The following PLXNA4 variants were observed in gnomAD, a reference collection of about 807,000 sequenced individuals.
PLXNA4 encodes the protein plexin A4, also known as plexin-A4.
PLXNA4 carries 44 observed loss-of-function variants against 191.8 expected under a neutral mutation model. The ratio of observed to expected loss-of-function variants is 0.23; its 90% CI spans 0.18 to 0.29. The LOEUF (loss-of-function observed/expected upper bound fraction) is 0.29, where lower values mean the gene tolerates loss of function less well. Among genes scored for constraint, PLXNA4 ranks in the 10% least tolerant of loss-of-function variants. The pLI, the probability that PLXNA4 is intolerant of heterozygous loss-of-function variation, is 1.00. For missense variants in PLXNA4, 1,800 were observed against 2,488.8 expected (o/e 0.72, Z 5.89); for synonymous variants, 1,082 against 1,009.5 (o/e 1.07, Z -1.36).
intron 4 of PLXNA4, among the ~76,000 whole-genome samples, chr7:132,252,312 T>G (rs1443249679): frequency 1.7e-5 from 2 of 118,768 alleles, no homozygotes; most frequent in African/African-American, 7.2e-5. Flanking sequence ...TTTTTTTTTT[T>G]TTTTTTTTTT....
intron 10 of PLXNA4, among the ~76,000 whole-genome samples, chr7:132,204,605 A>G (rs1797551449): frequency 1.3e-5 from 2 of 152,006 alleles, no homozygotes; most frequent in African/African-American, 4.8e-5. Context: ...GGCTAGGGGG[A>G]TGTTGATGGA....
chr7:132,404,430 C>A (rs1397134637), intron 3 of PLXNA4, among the ~76,000 whole-genome samples: 1 of 152,228 alleles, frequency 6.6e-6, no homozygotes, highest in Non-Finnish European at 1.5e-5. Flanking sequence ...CCACTGTCAC[C>A]AACCAGCCCT....
At chr7:132,452,902 C>T (rs1796174858) in intron 3 of PLXNA4, among the ~76,000 whole-genome samples, 1 of 152,126 alleles carries the variant, frequency 6.6e-6, no homozygotes, top group Admixed American at 6.5e-5. Context: ...GGAATTGGAA[C>T]CAGGGAATGG....
chr7:132,249,173 T>C (rs892728323), intron 4 of PLXNA4, among the ~76,000 whole-genome samples: 1 of 152,222 alleles, frequency 6.6e-6, no homozygotes, highest in Non-Finnish European at 1.5e-5. Context: ...AACAAAATAT[T>C]CCCATTTTTC....
chr7:132,170,039 T>G (rs1796238473), intron 21 of PLXNA4, among the ~76,000 whole-genome samples: 1 of 151,860 alleles, frequency 6.6e-6, no homozygotes, highest in Non-Finnish European at 1.5e-5. Context: ...GATACCACAG[T>G]TCTTTGAGAA....
At position 132,313,867 on chromosome 7, in the gene PLXNA4, T is replaced by C. The variant is rs78111081; in HGVS notation, c.1372-15645A>G. Among the ~76,000 whole-genome samples, 1,264 of 152,146 alleles carry C rather than the reference T, an allele frequency of 8.3e-3. 19 individuals are homozygous for C. The highest frequency in any genetic ancestry group is 0.028 in the African/African-American group (1,157 of 41,498). On this transcript the variant is annotated intron_variant, in intron 3 of 31. Coordinates refer to ENST00000321063, the MANE Select transcript of PLXNA4 (RefSeq NM_020911.2). Reference sequence around the variant, plus strand: ...TCCTACCCTGTCTCTAAGGGTCACATCAGACACATTCCATAGATTACAGAA... The same window carrying C: ...TCCTACCCTGTCTCTAAGGGTCACACCAGACACATTCCATAGATTACAGAA...
chr7:132,203,404 T>C lies in PLXNA4; in HGVS notation c.2314A>G (p.Met772Val). The C allele has an allele frequency of 1.2e-6, 2 of 1,614,032 alleles. No individual in the cohort carries two copies. The highest frequency in any genetic ancestry group is 1.6e-4 in the Middle Eastern group (1 of 6,062). ...CQNTSYSYEGMEINNLPVELT... is the reference protein window; with the variant it reads ...CQNTSYSYEGVEINNLPVELT... Reference sequence around the variant, plus strand: ...TCCACGGGCAGGTTGTTGATCTCCATCCCTTCATAGGAATACTGCAGCCAG... The same window carrying C: ...TCCACGGGCAGGTTGTTGATCTCCACCCCTTCATAGGAATACTGCAGCCAG... Residue 772 changes from methionine to valine, a missense_variant, in exon 11 of 32, where the codon ATG becomes GTG. Physicochemically the swap from Met to Val is conservative, Grantham distance 21. Transcript: ENST00000321063.
At chr7:132,555,616 A>C (rs1470737596) in intron 1 of PLXNA4, among the ~76,000 whole-genome samples, 1 of 152,132 alleles carries the variant, frequency 6.6e-6, no homozygotes, top group African/African-American at 2.4e-5. Context: ...CCCTTATTTT[A>C]CTCTTTTAAT....
chr7:132,369,989 A>T (rs1245451779), intron 3 of PLXNA4, among the ~76,000 whole-genome samples: 1 of 151,152 alleles, frequency 6.6e-6, no homozygotes, highest in Non-Finnish European at 1.5e-5. Flanking sequence ...CATGGCATGA[A>T]CCTGGGAGGC....
At chr7:132,187,173 A>G (rs1013801567) in intron 15 of PLXNA4, among the ~76,000 whole-genome samples, 1 of 151,936 alleles carries the variant, frequency 6.6e-6, no homozygotes, top group African/African-American at 2.4e-5. Context: ...CCCACTCCCT[A>G]ACCCCCCGCC....
At chr7:132,564,273 T>TTCC (rs1352853626) in intron 1 of PLXNA4, among the ~76,000 whole-genome samples, 3 of 103,986 alleles carry the variant, frequency 2.9e-5, no homozygotes, top group South Asian at 4.0e-4. Flanking sequence ...TCCTCTCCTT[T>TTCC]TCCTCCTCCT....
chr7:132,210,699 C>T (rs2116899355), intron 10 of PLXNA4, among the ~76,000 whole-genome samples: 1 of 152,348 alleles, frequency 6.6e-6, no homozygotes, highest in South Asian at 2.1e-4. Flanking sequence ...CTTACACGGA[C>T]AACCTTCATC....
At chr7:132,558,313 A>G (rs1041821682) in intron 1 of PLXNA4, among the ~76,000 whole-genome samples, 2 of 152,186 alleles carry the variant, frequency 1.3e-5, no homozygotes, top group African/African-American at 2.4e-5. Flanking sequence ...CATTTTTTCA[A>G]AGCAAATTTT....
chr7:132,602,790 A>T (rs954586309), intron 2 of PLXNA4, among the ~76,000 whole-genome samples: 1 of 152,220 alleles, frequency 6.6e-6, no homozygotes, highest in South Asian at 2.1e-4. Context: ...AGACACAGAC[A>T]TGGTGAGAAG....
chr7:132,357,335 C>T (rs1803751323), intron 3 of PLXNA4, among the ~76,000 whole-genome samples: 1 of 152,202 alleles, frequency 6.6e-6, no homozygotes, highest in African/African-American at 2.4e-5. Flanking sequence ...TCCCTCTTTC[C>T]TTTGCATCCT....
At chr7:132,524,694 G>C (rs182488662) in intron 1 of PLXNA4, among the ~76,000 whole-genome samples, 4 of 152,172 alleles carry the variant, frequency 2.6e-5, no homozygotes, top group South Asian at 2.1e-4. Flanking sequence ...TCCTGCCTCA[G>C]CCTCCTGAGT....
chr7:132,504,330 C>T (rs1798372810), intron 2 of PLXNA4, among the ~76,000 whole-genome samples: 1 of 152,214 alleles, frequency 6.6e-6, no homozygotes, highest in African/African-American at 2.4e-5. Flanking sequence ...TTCCTATCCC[C>T]CAAATGAACA....
At chr7:132,140,961 A>G in intron 29 of PLXNA4, 150 bp from the exon 30 acceptor site, 1 of 1,382,586 alleles carries the variant, frequency 7.2e-7, no homozygotes, top group Non-Finnish European at 9.6e-7. Context: ...GTGCCAGGGA[A>G]GGGAGGTGAG....
intron 3 of PLXNA4, among the ~76,000 whole-genome samples, chr7:132,300,375 T>A (rs1420390725): frequency 1.3e-5 from 2 of 152,222 alleles, no homozygotes; most frequent in Non-Finnish European, 2.9e-5. Flanking sequence ...TTCCTGAGAC[T>A]TTCTCTAGTC....
Sources: allele counts gnomAD v4.1 joint callset (sites outside exome capture counted in the v4.1 genomes callset), GRCh38; gene constraint gnomAD v4.1.1; transcripts MANE v1.5; gene names NCBI Gene and HGNC (gene_info 2026-07-23, HGNC 2026-07-21).